LINGO2: variants seen among roughly 807,000 people sequenced by gnomAD.
The protein encoded by LINGO2 is leucine rich repeat and Ig domain containing 2.
In LINGO2, 14 loss-of-function variants were observed where a neutral mutation model predicts 30.6. That is an observed-to-expected ratio of 0.46 (90% confidence interval 0.30 to 0.72). The LOEUF is 0.72. Ranked by LOEUF, LINGO2 falls within the 30% of genes least tolerant of loss-of-function variation. LINGO2 has a pLI of 0.07. For synonymous variants in LINGO2, 317 were observed against 288.5 expected (o/e 1.10, Z -1.00); for missense variants, 729 against 751.7 (o/e 0.97, Z 0.35).
chr9:28,121,880 C>T (rs903318639), intron 4 of LINGO2, among the ~76,000 whole-genome samples: 2 of 152,104 alleles, frequency 1.3e-5, no homozygotes, highest in Non-Finnish European at 2.9e-5. Context: ...AAGCTTGGTG[C>T]TATTAAAAAT....
At chr9:29,112,768 A>G in the LINGO2 span, among the ~76,000 whole-genome samples, 3 of 152,172 alleles carry the variant, frequency 2.0e-5, no homozygotes, top group Non-Finnish European at 4.4e-5. Context: ...TCCATGATAA[A>G]TATCAAACTG....
At chr9:28,125,370 A>G (rs926700438) in intron 4 of LINGO2, among the ~76,000 whole-genome samples, 19 of 152,224 alleles carry the variant, frequency 1.2e-4, no homozygotes, top group African/African-American at 3.9e-4. Flanking sequence ...TTTAATACGT[A>G]TATTTGTTTC....
chr9:28,603,466 T>C (rs1270611145), intron 1 of LINGO2, among the ~76,000 whole-genome samples: 6 of 152,066 alleles, frequency 3.9e-5, no homozygotes, highest in Non-Finnish European at 7.4e-5. Flanking sequence ...TAGTGGTTTC[T>C]GAACTGATGT....
intron 1 of LINGO2, among the ~76,000 whole-genome samples, chr9:28,486,193 T>C (rs1487243582): frequency 6.6e-6 from 1 of 152,168 alleles, no homozygotes; most frequent in Non-Finnish European, 1.5e-5. Flanking sequence ...TGTTCACTTC[T>C]TCTAATAATC....
chr9:28,893,250 T>A, the LINGO2 span, among the ~76,000 whole-genome samples: 1 of 152,002 alleles, frequency 6.6e-6, no homozygotes, highest in African/African-American at 2.4e-5. Context: ...GTATTACCCA[T>A]TGAATCCTGC....
At chr9:28,628,032 A>G (rs148587932) in intron 1 of LINGO2, among the ~76,000 whole-genome samples, 1 of 152,030 alleles carries the variant, frequency 6.6e-6, no homozygotes, top group African/African-American at 2.4e-5. Flanking sequence ...CAATAATACC[A>G]TTCTTCATGG....
chr9:29,019,199 C>A, the LINGO2 span, among the ~76,000 whole-genome samples: 5 of 152,080 alleles, frequency 3.3e-5, no homozygotes, highest in South Asian at 1.0e-3. Context: ...CCATGTACTG[C>A]AAGGCATGTG....
At chr9:28,014,162 C>T (rs1201543837) in intron 4 of LINGO2, among the ~76,000 whole-genome samples, 2 of 152,098 alleles carry the variant, frequency 1.3e-5, no homozygotes, top group Non-Finnish European at 2.9e-5. Flanking sequence ...CTTAGAAACA[C>T]ATGAACACAG....
chr9:28,555,534 C>T (rs1822612050), intron 1 of LINGO2, among the ~76,000 whole-genome samples: 1 of 151,936 alleles, frequency 6.6e-6, no homozygotes, highest in Admixed American at 6.6e-5. Context: ...GAGTCCAGGA[C>T]CAGATGGATT....
the LINGO2 span, among the ~76,000 whole-genome samples, chr9:29,088,342 A>C: frequency 2.0e-5 from 3 of 152,114 alleles, no homozygotes; most frequent in Non-Finnish European, 4.4e-5. Context: ...GGTACTGCTC[A>C]CTTCTTCTAT....
In LINGO2 at chr9:28,129,938, T is replaced by C. The variant is rs1827338764; in HGVS notation, c.-86-117533A>G. On this transcript the variant is annotated intron_variant, in intron 4 of 5. Coordinates refer to ENST00000379992, the Ensembl canonical transcript of LINGO2. The surrounding 1 kb of genome is among the most constrained non-coding windows in gnomAD (Gnocchi z 4.0). ...AAGATCCGTGTTTTGAGCCAGAACA[T>C]GTGAATCTTTGTGGTATAACAACTT... Among the ~76,000 whole-genome samples, 1 of 152,250 alleles carries C rather than the reference T, an allele frequency of 6.6e-6. No homozygotes were observed. The highest frequency in any genetic ancestry group is 2.1e-4 in the South Asian group (1 of 4,836).
At chr9:29,032,111 C>T in the LINGO2 span, among the ~76,000 whole-genome samples, 8 of 152,176 alleles carry the variant, frequency 5.3e-5, no homozygotes, top group East Asian at 3.9e-4. Flanking sequence ...AAACTTCATA[C>T]GTTTTAAATT....
At chr9:28,387,801 C>T (rs12337232) in intron 2 of LINGO2, among the ~76,000 whole-genome samples, 3 of 152,178 alleles carry the variant, frequency 2.0e-5, no homozygotes, top group African/African-American at 7.2e-5. Context: ...ACACTCACTG[C>T]GAAGGTCTGC....
At chr9:28,710,055 A>G in the LINGO2 span, among the ~76,000 whole-genome samples, 1 of 149,566 alleles carries the variant, frequency 6.7e-6, no homozygotes, top group East Asian at 2.0e-4. Flanking sequence ...CCATGGTTTG[A>G]ATGTTTGTGT....
chr9:28,974,350 G>T, the LINGO2 span, among the ~76,000 whole-genome samples: 1 of 152,164 alleles, frequency 6.6e-6, no homozygotes, highest in African/African-American at 2.4e-5. Context: ...AGGTTGCAGT[G>T]AGCCAAGATT....
At chr9:29,192,672 G>A in the LINGO2 span, among the ~76,000 whole-genome samples, 1 of 152,020 alleles carries the variant, frequency 6.6e-6, no homozygotes, top group African/African-American at 2.4e-5. Flanking sequence ...TCTCAATTCG[G>A]CCAAGCAGAG....
At chr9:28,822,548 G>A in the LINGO2 span, among the ~76,000 whole-genome samples, 47 of 150,524 alleles carry the variant, frequency 3.1e-4, no homozygotes, top group African/African-American at 9.9e-4. Flanking sequence ...TAATCTGGGC[G>A]GACACCATCT....
At chr9:28,513,961 T>A (rs1289379669) in intron 1 of LINGO2, among the ~76,000 whole-genome samples, 4 of 152,238 alleles carry the variant, frequency 2.6e-5, no homozygotes, top group Non-Finnish European at 5.9e-5. Flanking sequence ...TCCAACAGCA[T>A]GTGCTCACTT....
intron 1 of LINGO2, among the ~76,000 whole-genome samples, chr9:28,636,384 C>T (rs866910210): frequency 2.7e-4 from 41 of 152,220 alleles, no homozygotes; most frequent in African/African-American, 6.7e-4. Flanking sequence ...TTCTAGATCC[C>T]GGAGGAATCG....
Sources: gnomAD v4.1 joint callset for allele counts (sites outside exome capture counted in the v4.1 genomes callset) on GRCh38, gnomAD v4.1.1 for gene constraint, Gnocchi (gnomAD v3.1) non-coding constraint, MANE v1.5 for transcripts, NCBI Gene and HGNC (gene_info 2026-07-23, HGNC 2026-07-21) for gene names.